Variants in SH3GL2 observed in about 807,000 individuals in gnomAD.
SH3GL2 encodes the protein endophilin-A1.
SH3GL2 carries 24 observed loss-of-function variants against 46.0 expected under a neutral mutation model. The observed-to-expected ratio is 0.52, with a 90% CI of 0.38 to 0.73. The LOEUF is 0.73. Ranked by LOEUF, SH3GL2 falls within the 30% of genes least tolerant of loss-of-function variation. The probability of loss-of-function intolerance (pLI) is 0.00; values close to 1 mark genes in which losing one functional copy is unlikely to be tolerated. For missense variants in SH3GL2, 413 were observed against 424.2 expected, an observed-to-expected ratio of 0.97 and a Z score of 0.23; for synonymous variants, 196 against 147.1, an observed-to-expected ratio of 1.33 and a Z score of -2.40.
intron 1 of SH3GL2, among the ~76,000 whole-genome samples, chr9:17,701,763 A>T (rs947144493): frequency 9.9e-5 from 15 of 152,094 alleles, no homozygotes; most frequent in Non-Finnish European, 1.8e-4. Context: ...TTTTCTATTT[A>T]AAAAATAAAT....
At chr9:17,709,378 T>C (rs1176422854) in intron 1 of SH3GL2, among the ~76,000 whole-genome samples, 2 of 151,972 alleles carry the variant, frequency 1.3e-5, no homozygotes, top group South Asian at 4.1e-4. Context: ...AGCATATTTC[T>C]TGTGTAGCAA....
intron 1 of SH3GL2, among the ~76,000 whole-genome samples, chr9:17,611,863 C>G (rs572077404): frequency 2.0e-4 from 30 of 151,644 alleles, no homozygotes; most frequent in African/African-American, 7.0e-4. Context: ...CTTTGGTGCC[C>G]ATTATGGGAA....
chr9:17,790,165 A>G (rs1028138143), intron 6 of SH3GL2, among the ~76,000 whole-genome samples: 1 of 152,170 alleles, frequency 6.6e-6, no homozygotes, highest in Non-Finnish European at 1.5e-5. Context: ...GAGAGAGAGA[A>G]CAAACTTGCC....
chr9:17,704,700 G>C (rs1391066996), intron 1 of SH3GL2, among the ~76,000 whole-genome samples: 1 of 151,974 alleles, frequency 6.6e-6, no homozygotes, highest in East Asian at 1.9e-4. Flanking sequence ...TCCTTATTCA[G>C]TAAATGTTGC....
At chr9:17,661,630 T>C (rs566765877) in intron 1 of SH3GL2, among the ~76,000 whole-genome samples, 2 of 152,346 alleles carry the variant, frequency 1.3e-5, no homozygotes, top group African/African-American at 4.8e-5. Flanking sequence ...TTGAATTACA[T>C]AACAGGATGG....
intron 1 of SH3GL2, among the ~76,000 whole-genome samples, chr9:17,647,977 G>A (rs1819862514): frequency 6.6e-6 from 1 of 152,162 alleles, no homozygotes; most frequent in Non-Finnish European, 1.5e-5. Context: ...CCTTTGTGAT[G>A]ATGCACTTCT....
chr9:17,733,150 C>T (rs932278188), intron 1 of SH3GL2, among the ~76,000 whole-genome samples: 4 of 152,096 alleles, frequency 2.6e-5, no homozygotes, highest in Non-Finnish European at 5.9e-5. Context: ...TTTCCTACAA[C>T]CCTCACCCCA....
chr9:17,787,599 C>G, intron 5 of SH3GL2, 86 bp downstream of exon 5: 1 of 1,136,384 alleles, frequency 8.8e-7, no homozygotes, highest in Non-Finnish European at 1.3e-6. Flanking sequence ...ATTTTTTTAG[C>G]TTACCCTGTG....
At chr9:17,715,621 T>C (rs1821734950) in intron 1 of SH3GL2, among the ~76,000 whole-genome samples, 1 of 152,018 alleles carries the variant, frequency 6.6e-6, no homozygotes, top group South Asian at 2.1e-4. Flanking sequence ...CAGCATATTA[T>C]TTATCTCAGA....
intron 1 of SH3GL2, among the ~76,000 whole-genome samples, chr9:17,715,449 C>A (rs1314928880): frequency 6.6e-6 from 1 of 151,782 alleles, no homozygotes; most frequent in Admixed American, 6.6e-5. Context: ...TTCACTTACT[C>A]TTCTGTTAAC....
At chr9:17,708,535 A>C (rs1821534747) in intron 1 of SH3GL2, among the ~76,000 whole-genome samples, 1 of 152,036 alleles carries the variant, frequency 6.6e-6, no homozygotes, top group South Asian at 2.1e-4. Flanking sequence ...AAATTTGTCA[A>C]GTATATATTT....
At chr9:17,782,348 C>A (rs1463939812) in intron 3 of SH3GL2, among the ~76,000 whole-genome samples, 1 of 152,040 alleles carries the variant, frequency 6.6e-6, no homozygotes, top group Admixed American at 6.6e-5. Context: ...CACTTTTTGT[C>A]ATCCTCACAT....
Position 17,791,334 on chromosome 9 carries a change from G to A in SH3GL2, c.728G>A (p.Arg243Lys). 6.3e-7 allele frequency: 1 copy of A among 1,587,068 alleles called. No homozygotes were observed. The highest frequency in any genetic ancestry group is 8.7e-7 in the Non-Finnish European group (1 of 1,155,432). Residue 243 changes from arginine (R) to lysine (K), a missense_variant and splice_region_variant, in exon 7 of 9, where the codon AGA (arginine) becomes AAA (lysine). Physicochemically the swap from Arg to Lys is conservative, Grantham distance 26 (BLOSUM62 2). Around this residue, in one of 3 missense-constraint regions of SH3GL2, gnomAD observed 248 missense variants for 215.0 expected, o/e 1.15. Coordinates refer to ENST00000380607, the MANE Select transcript of SH3GL2 (RefSeq NM_003026.5). ...LQQVTVRLEE[R>K]IRQASSQPRR... is the part of the protein sequence containing the mutation. ...CAAGTCACGGTCAGACTGGAAGAAA[G>A]GTATTCTACAGTTCCCTGCATTTCA...
At chr9:17,694,165 G>A (rs1821149400) in intron 1 of SH3GL2, among the ~76,000 whole-genome samples, 1 of 152,064 alleles carries the variant, frequency 6.6e-6, no homozygotes, top group South Asian at 2.1e-4. Flanking sequence ...AAGTACCTGA[G>A]ACTGGTAATT....
intron 1 of SH3GL2, among the ~76,000 whole-genome samples, chr9:17,650,280 A>T (rs543692075): frequency 7.2e-5 from 11 of 152,368 alleles, no homozygotes; most frequent in Admixed American, 6.5e-4. Flanking sequence ...AAGTACACAA[A>T]AGAACGTGAT....
chr9:17,596,068 G>A (rs553785679), intron 1 of SH3GL2, among the ~76,000 whole-genome samples: 6 of 152,150 alleles, frequency 3.9e-5, no homozygotes, highest in Non-Finnish European at 7.4e-5. Flanking sequence ...ACAAGGAATC[G>A]AATAATTTTA....
intron 3 of SH3GL2, among the ~76,000 whole-genome samples, chr9:17,783,088 C>G (rs1018711739): frequency 5.3e-5 from 8 of 152,204 alleles, no homozygotes; most frequent in Non-Finnish European, 1.0e-4. Flanking sequence ...ATATTTTCCC[C>G]AGTATCCAGT....
At chr9:17,633,672 G>C (rs1357481632) in intron 1 of SH3GL2, among the ~76,000 whole-genome samples, 1 of 152,140 alleles carries the variant, frequency 6.6e-6, no homozygotes, top group Non-Finnish European at 1.5e-5. Flanking sequence ...AAATGAAATT[G>C]AATGAAGAGG....
rs764553537 is a variant in SH3GL2 at position 17,579,217 on chromosome 9, C to T, written c.-26C>T. The stretch of plus-strand genomic sequence containing the variant: ...CCTCCGCCTCCTCCCTCCCGCACAG[C>T]AGCCGCCAGCGCGGCCTCCTGCACC... On this transcript the variant is annotated 5_prime_UTR_variant, in exon 1 of 9. Transcript: ENST00000380607. 64 of 1,531,070 alleles carry T rather than the reference C, an allele frequency of 4.2e-5. No individual in the cohort carries two copies. In the South Asian group the frequency reaches 7.5e-4, roughly 18 times the overall value. The allele number at this position is 1,531,070 out of a possible 1,614,324, so 94.8% of individuals were successfully genotyped here.
Sources: allele counts gnomAD v4.1 joint callset (sites outside exome capture counted in the v4.1 genomes callset), GRCh38; gene constraint gnomAD v4.1.1; regional missense constraint gnomAD v4.1.1; transcripts MANE v1.5; gene names NCBI Gene and HGNC (gene_info 2026-07-23, HGNC 2026-07-21).